Variants in STOX2 observed in about 807,000 individuals in gnomAD.
STOX2 encodes storkhead box 2.
A neutral mutation model predicts 60.9 loss-of-function variants in STOX2; 28 were observed. That is an observed-to-expected ratio of 0.46 (90% CI 0.34 to 0.63). The LOEUF is 0.63. Ranked by LOEUF, STOX2 falls within the 30% of genes least tolerant of loss-of-function variation. The probability of loss-of-function intolerance (pLI) is 0.01; values close to 1 mark genes in which losing one functional copy is unlikely to be tolerated. For synonymous variants in STOX2, 472 were observed against 463.9 expected (o/e 1.02, Z -0.22); for missense variants, 1,024 against 1,187.7 (o/e 0.86, Z 2.03).
intron 1 of STOX2, among the ~76,000 whole-genome samples, chr4:183,835,636 A>G (rs1169577573): frequency 6.6e-6 from 1 of 152,124 alleles, no homozygotes; most frequent in Non-Finnish European, 1.5e-5. Flanking sequence ...TGTTCCTCAC[A>G]TTGTTACTGG....
chr4:184,002,755 G>C (rs1733648786), intron 2 of STOX2, among the ~76,000 whole-genome samples: 1 of 152,194 alleles, frequency 6.6e-6, no homozygotes, highest in Non-Finnish European at 1.5e-5. Flanking sequence ...CCCCACACAT[G>C]GGAAGAGAAC....
intron 1 of STOX2, among the ~76,000 whole-genome samples, chr4:183,882,080 G>A (rs1445778111): frequency 6.6e-6 from 1 of 152,202 alleles, no homozygotes; most frequent in Non-Finnish European, 1.5e-5. Context: ...CAGATACTAG[G>A]ACTTCAGGTC....
At chr4:183,947,080 G>T (rs1007621153) in intron 1 of STOX2, among the ~76,000 whole-genome samples, 14 of 34,494 alleles carry the variant, frequency 4.1e-4, no homozygotes, top group Non-Finnish European at 1.4e-3. Flanking sequence ...GTATCCTGGT[G>T]GGGGGTGGGG....
At chr4:183,895,593 T>C (rs937041454) in intron 1 of STOX2, among the ~76,000 whole-genome samples, 1 of 152,374 alleles carries the variant, frequency 6.6e-6, no homozygotes. Context: ...AGTTCACTAA[T>C]TGATATGTGT....
chr4:184,003,444 A>G (rs558037125), intron 2 of STOX2, among the ~76,000 whole-genome samples: 1 of 152,322 alleles, frequency 6.6e-6, no homozygotes, highest in South Asian at 2.1e-4. Context: ...GCTAGCTTTT[A>G]TGGGAAGAGA....
At chr4:183,972,227 A>G (rs1393280334) in intron 1 of STOX2, among the ~76,000 whole-genome samples, 10 of 152,134 alleles carry the variant, frequency 6.6e-5, no homozygotes, top group African/African-American at 2.4e-4. Context: ...CATGGGGCGA[A>G]TTCCCATTGC....
At chr4:183,903,285 C>A (rs1291100506), upstream of STOX2, among the ~76,000 whole-genome samples, 1 of 152,174 alleles carries the variant, frequency 6.6e-6, no homozygotes, top group Admixed American at 6.5e-5. Flanking sequence ...TGGCCTTTTT[C>A]CACTTCCTCC....
intron 1 of STOX2, among the ~76,000 whole-genome samples, chr4:183,955,259 C>T (rs1248392977): frequency 1.3e-5 from 2 of 152,150 alleles, no homozygotes; most frequent in African/African-American, 2.4e-5. Context: ...ATGATGACTA[C>T]ATAACTTTTA....
At chr4:183,951,227 A>AG (rs1211226224) in intron 1 of STOX2, among the ~76,000 whole-genome samples, 4 of 150,348 alleles carry the variant, frequency 2.7e-5, no homozygotes, top group Admixed American at 2.6e-4. Context: ...AAAAAAAGAA[A>AG]AAAAAAAAAA....
At chr4:183,874,971 ATATATATATATATATATATAT>A (rs1740793044) in intron 1 of STOX2, among the ~76,000 whole-genome samples, 1 of 106,576 alleles carries the variant, frequency 9.4e-6, no homozygotes, top group African/African-American at 3.6e-5. Flanking sequence ...ATATATATAT[ATATATATATATATATATATAT>A]AAAACTTAGA....
intron 1 of STOX2, among the ~76,000 whole-genome samples, chr4:183,910,899 G>T (rs190817000): frequency 6.6e-6 from 1 of 152,126 alleles, no homozygotes; most frequent in South Asian, 2.1e-4. Context: ...TAATTCTGGG[G>T]CACGTTTGAC....
intron 1 of STOX2, among the ~76,000 whole-genome samples, chr4:183,993,689 C>G (rs974655967): frequency 1.3e-5 from 2 of 152,192 alleles, no homozygotes; most frequent in Non-Finnish European, 2.9e-5. Context: ...TGCCATCGGG[C>G]TCAGCCTTCA....
At chr4:183,991,987 T>A (rs1733127503) in intron 1 of STOX2, among the ~76,000 whole-genome samples, 1 of 152,206 alleles carries the variant, frequency 6.6e-6, no homozygotes, top group South Asian at 2.1e-4. Flanking sequence ...AACACCATCT[T>A]GTAATGCTGA....
chr4:183,977,978 CTTGTAGA>C (rs1227432223), intron 1 of STOX2, among the ~76,000 whole-genome samples: 2 of 152,046 alleles, frequency 1.3e-5, no homozygotes, highest in Non-Finnish European at 2.9e-5. Context: ...ATTTGAGTTC[CTTGTAGA>C]TTCTGGCTAT....
intron 1 of STOX2, among the ~76,000 whole-genome samples, chr4:183,870,972 A>G (rs1370584130): frequency 3.9e-5 from 6 of 152,260 alleles, no homozygotes; most frequent in Non-Finnish European, 8.8e-5. Flanking sequence ...TAAGAAGCCT[A>G]GAAATCATGA....
rs1321043794 is a variant in STOX2 at position 183,856,504 on chromosome 4, A to G, written c.364+58449A>G. Among the ~76,000 whole-genome samples the G allele has an allele frequency of 6.6e-6, 1 of 152,212 alleles. No homozygotes were observed. The highest frequency in any genetic ancestry group is 1.5e-5 in the Non-Finnish European group (1 of 68,026). ...AATTCTGTTATTTCCACCTTCCCTC[A>G]GCAGTCTCCATCCAAACTGAAGGGC... On this transcript the variant is annotated intron_variant, in intron 1 of 2. Transcript: ENST00000513034. The surrounding 1 kb of genome is among the most constrained non-coding windows in gnomAD (Gnocchi z 4.0).
intron 1 of STOX2, among the ~76,000 whole-genome samples, chr4:183,873,068 A>G (rs957207806): frequency 2.0e-5 from 3 of 152,212 alleles, no homozygotes; most frequent in Non-Finnish European, 2.9e-5. Flanking sequence ...ATACAAAGAC[A>G]GTCTAAGTCT....
At chr4:183,939,033 T>C (rs1472300048) in intron 1 of STOX2, among the ~76,000 whole-genome samples, 1 of 152,244 alleles carries the variant, frequency 6.6e-6, no homozygotes, top group Non-Finnish European at 1.5e-5. Context: ...ACATACGGAA[T>C]AGAAGACTGT....
At chr4:183,937,516 C>T (rs576633802) in intron 1 of STOX2, among the ~76,000 whole-genome samples, 5 of 152,204 alleles carry the variant, frequency 3.3e-5, no homozygotes, top group African/African-American at 1.2e-4. Context: ...AGAGTGGGGT[C>T]GGCAGACAGG....
Sources: allele counts gnomAD v4.1 joint callset (sites outside exome capture counted in the v4.1 genomes callset), GRCh38; gene constraint gnomAD v4.1.1; non-coding constraint Gnocchi (gnomAD v3.1); transcripts MANE v1.5; gene names NCBI Gene and HGNC (gene_info 2026-07-23, HGNC 2026-07-21).